Variants in CDH13 observed in about 807,000 individuals in gnomAD.
CDH13 encodes cadherin-13.
CDH13 carries 24 observed loss-of-function variants against 63.8 expected under a neutral mutation model. The ratio of observed to expected loss-of-function variants is 0.38; its 90% CI spans 0.27 to 0.53. The LOEUF (loss-of-function observed/expected upper bound fraction) is 0.53, where lower values mean the gene tolerates loss of function less well. Among genes scored for constraint, CDH13 ranks in the 20% least tolerant of loss-of-function variants. The pLI is 0.85. For synonymous variants in CDH13, 503 were observed against 355.3 expected (o/e 1.42, Z -4.67); for missense variants, 1,049 against 903.1 (o/e 1.16, Z -2.07).
rs1016086563 is a variant in CDH13, at chr16:83,491,912, T to A, written c.960+5257T>A. Among the ~76,000 whole-genome samples, 3 of 152,288 alleles carry A rather than the reference T, an allele frequency of 2.0e-5. No individual in the cohort carries two copies. The East Asian group carries it at 5.8e-4, about 29-fold the overall frequency. On this transcript the variant is annotated intron_variant, in intron 7 of 13. Transcript: ENST00000567109. ...AATGGAGAGAATTTCTTTCTTTCTTTCCATGGTAAGTGTTACATAAGGACT... is the reference window on the plus strand; with the variant it reads ...AATGGAGAGAATTTCTTTCTTTCTTACCATGGTAAGTGTTACATAAGGACT...
intron 10 of CDH13, among the ~76,000 whole-genome samples, chr16:83,713,713 C>G (rs1391021170): frequency 2.0e-5 from 3 of 152,018 alleles, no homozygotes; most frequent in Non-Finnish European, 2.9e-5. Context: ...GTGGTTTTAA[C>G]CAGAACTCGA....
intron 1 of CDH13, among the ~76,000 whole-genome samples, chr16:82,685,760 C>T (rs1597320125): frequency 6.6e-6 from 1 of 152,276 alleles, no homozygotes; most frequent in African/African-American, 2.4e-5. Flanking sequence ...TTCCTATGTG[C>T]CCTCAGCCCT....
At chr16:83,156,858 C>G (rs151299483) in intron 4 of CDH13, among the ~76,000 whole-genome samples, 1 of 152,306 alleles carries the variant, frequency 6.6e-6, no homozygotes, top group African/African-American at 2.4e-5. Flanking sequence ...ATAGGCTCAT[C>G]TCTCTGATCC....
intron 6 of CDH13, among the ~76,000 whole-genome samples, chr16:83,371,647 C>T (rs1859633710): frequency 6.6e-6 from 1 of 152,052 alleles, no homozygotes; most frequent in African/African-American, 2.4e-5. Flanking sequence ...TTTCAAAAAT[C>T]AATTTAAAGT....
chr16:82,676,486 C>CTTTTTTT (rs11330492), intron 1 of CDH13, among the ~76,000 whole-genome samples: 17 of 96,340 alleles, frequency 1.8e-4, no homozygotes, highest in East Asian at 6.7e-4. Context: ...ACCATCATTT[C>CTTTTTTT]TTTTTTTTTT....
chr16:83,240,372 G>A (rs1293136306), intron 5 of CDH13, among the ~76,000 whole-genome samples: 1 of 152,120 alleles, frequency 6.6e-6, no homozygotes, highest in East Asian at 1.9e-4. Flanking sequence ...GAGGCAGGAT[G>A]TGTTCAGATA....
chr16:83,658,530 A>G (rs1598426394), intron 8 of CDH13, among the ~76,000 whole-genome samples: 7 of 132,572 alleles, frequency 5.3e-5, no homozygotes, highest in South Asian at 2.6e-4. Context: ...CAGGTCCCGT[A>G]TCCTCACCAG....
At chr16:82,734,093 C>A (rs1314698406) in intron 1 of CDH13, among the ~76,000 whole-genome samples, 1 of 152,134 alleles carries the variant, frequency 6.6e-6, no homozygotes. Flanking sequence ...TGAGTTGAGA[C>A]CTGAAGGAGG....
intron 1 of CDH13, among the ~76,000 whole-genome samples, chr16:82,668,579 G>A (rs1239151705): frequency 6.6e-6 from 1 of 152,214 alleles, no homozygotes; most frequent in Non-Finnish European, 1.5e-5. Flanking sequence ...CATCACCTGA[G>A]ATGGTGTGAA....
intron 2 of CDH13, among the ~76,000 whole-genome samples, chr16:82,985,995 G>T (rs1480333163): frequency 6.6e-6 from 1 of 152,112 alleles, no homozygotes; most frequent in African/African-American, 2.4e-5. Flanking sequence ...TTGGCATCAT[G>T]CTTCCTGTAA....
At chr16:83,345,129 A>C in intron 6 of CDH13, 123 bp downstream of exon 6, 1 of 1,113,142 alleles carries the variant, frequency 9.0e-7, no homozygotes. Context: ...CGTCGACTTA[A>C]TACTTCCCTG....
chr16:83,371,399 G>C (rs533767943), intron 6 of CDH13, among the ~76,000 whole-genome samples: 2 of 152,036 alleles, frequency 1.3e-5, no homozygotes, highest in South Asian at 2.1e-4. Context: ...CTGCCTTTTT[G>C]TTCTTGCTTA....
At chr16:82,849,124 G>C (rs1567597871) in intron 1 of CDH13, among the ~76,000 whole-genome samples, 1 of 152,196 alleles carries the variant, frequency 6.6e-6, no homozygotes, top group Non-Finnish European at 1.5e-5. Context: ...AGGCTGAGAG[G>C]TGAAGAAGCT....
intron 2 of CDH13, among the ~76,000 whole-genome samples, chr16:82,876,080 C>G (rs903850754): frequency 8.5e-5 from 13 of 152,178 alleles, no homozygotes; most frequent in Non-Finnish European, 1.6e-4. Context: ...ATCACGAGAA[C>G]AGTACAGGAA....
At chr16:83,570,326 C>T (rs1341938542) in intron 7 of CDH13, among the ~76,000 whole-genome samples, 8 of 152,126 alleles carry the variant, frequency 5.3e-5, no homozygotes, top group Non-Finnish European at 5.9e-5. Context: ...TTCACCCCAC[C>T]TTCTAAAATC....
At chr16:83,727,964 G>T (rs1910606450) in intron 10 of CDH13, among the ~76,000 whole-genome samples, 1 of 152,218 alleles carries the variant, frequency 6.6e-6, no homozygotes, top group Admixed American at 6.5e-5. Flanking sequence ...TTGGAGGGAA[G>T]AATTGAAAAC....
At chr16:82,777,855 C>T (rs190668729) in intron 1 of CDH13, among the ~76,000 whole-genome samples, 109 of 152,306 alleles carry the variant, frequency 7.2e-4, no homozygotes, top group African/African-American at 2.3e-3. Flanking sequence ...TGGAAGAACC[C>T]TTTAATTCCT....
Position 83,601,147 on chromosome 16 carries a change from G to C in CDH13, c.961-1307G>C, listed in dbSNP as rs556202165. On this transcript the variant is annotated intron_variant, in intron 7 of 13. Coordinates refer to ENST00000567109, the MANE Select transcript of CDH13 (RefSeq NM_001257.5). ...AAAAGTTCAATCGGTAGGAGATAGA[G>C]AAAGGCAATCCTAACCCAAACCACA... 1.3e-4 allele frequency among the ~76,000 whole-genome samples: 20 copies of C among 152,292 alleles called. 1 individual carries two copies. The highest frequency in any genetic ancestry group is 4.8e-4 in the African/African-American group (20 of 41,562).
chr16:83,177,398 T>C (rs887472359), intron 4 of CDH13, among the ~76,000 whole-genome samples: 6 of 152,298 alleles, frequency 3.9e-5, no homozygotes, highest in African/African-American at 1.4e-4. Context: ...GGACCCTCAA[T>C]GAATAAGCAT....
Sources: allele counts gnomAD v4.1 joint callset (sites outside exome capture counted in the v4.1 genomes callset), GRCh38; gene constraint gnomAD v4.1.1; transcripts MANE v1.5; gene names NCBI Gene and HGNC (gene_info 2026-07-23, HGNC 2026-07-21).